The following NRCAM variants were observed in gnomAD, a reference collection of about 807,000 sequenced individuals.
NRCAM encodes the protein neuronal cell adhesion molecule.
Under a neutral mutation model 156.5 loss-of-function variants are expected in NRCAM, and 83 were observed. The observed-to-expected ratio is 0.53, with a 90% confidence interval of 0.44 to 0.64. NRCAM has a LOEUF of 0.64. Among genes scored for constraint, NRCAM ranks in the 30% least tolerant of loss-of-function variants. The probability of loss-of-function intolerance (pLI) is 0.00; values close to 1 mark genes in which losing one functional copy is unlikely to be tolerated. For synonymous variants in NRCAM, 538 were observed against 563.9 expected (o/e 0.95, Z 0.65); for missense variants, 1,417 against 1,597.3 (o/e 0.89, Z 1.92).
intron 13 of NRCAM, among the ~76,000 whole-genome samples, chr7:108,204,459 A>G (rs2079946466): frequency 6.6e-6 from 1 of 152,232 alleles, no homozygotes; most frequent in Non-Finnish European, 1.5e-5. Flanking sequence ...CTGGCTCATC[A>G]TCTTTTAGTT....
intron 10 of NRCAM, among the ~76,000 whole-genome samples, chr7:108,224,085 T>C (rs781395162): frequency 1.1e-4 from 17 of 152,172 alleles, no homozygotes; most frequent in Non-Finnish European, 2.4e-4. Flanking sequence ...TTTCCTTTTG[T>C]ATACTCCCTT....
At chr7:108,184,700 C>A in intron 20 of NRCAM, 86 bp from the exon 21 acceptor site, 1 of 1,033,514 alleles carries the variant, frequency 9.7e-7, no homozygotes, top group Non-Finnish European at 1.4e-6. Flanking sequence ...ACAGGGCAAC[C>A]CAACACAAGC....
intron 11 of NRCAM, 47 bp from the exon 12 acceptor site, chr7:108,209,652 A>G: frequency 7.3e-7 from 1 of 1,371,514 alleles, no homozygotes. Flanking sequence ...GAATCCACCT[A>G]TGACTACTTT....
At chr7:108,451,916 G>A (rs1258525698) in intron 1 of NRCAM, among the ~76,000 whole-genome samples, 1 of 152,170 alleles carries the variant, frequency 6.6e-6, no homozygotes, top group African/African-American at 2.4e-5. Flanking sequence ...TGCCACTGAA[G>A]TATACACTTA....
intron 1 of NRCAM, among the ~76,000 whole-genome samples, chr7:108,435,783 C>G (rs1831300957): frequency 6.6e-6 from 1 of 152,230 alleles, no homozygotes; most frequent in South Asian, 2.1e-4. Flanking sequence ...AGATCTATAT[C>G]TGGGCACATC....
intron 3 of NRCAM, among the ~76,000 whole-genome samples, chr7:108,241,534 T>A (rs1359185566): frequency 6.6e-6 from 1 of 152,216 alleles, no homozygotes; most frequent in Non-Finnish European, 1.5e-5. Flanking sequence ...TTTATTTGTA[T>A]GATTGTATAT....
In NRCAM at chr7:108,149,668, T is replaced by G. The variant is rs1469633332; in HGVS notation, c.*242A>C. ...ATCTGTTGGTGATGTTGCATTATTT[T>G]TTATCAGTTCTGAGGAAATCAAGAA... On this transcript the variant is annotated 3_prime_UTR_variant, in exon 33 of 33. Coordinates refer to ENST00000379028, the MANE Select transcript of NRCAM (RefSeq NM_001037132.4). 13 of 503,188 alleles carry G rather than the reference T, an allele frequency of 2.6e-5. No homozygotes were observed. Among genetic ancestry groups the G allele is most frequent in the African/African-American group, 3.9e-5 (2 of 51,634 alleles). The allele number at this position is 503,188 out of a possible 1,614,324, so 31.2% of individuals were successfully genotyped here.
chr7:108,436,460 T>C (rs1431974435), intron 1 of NRCAM, among the ~76,000 whole-genome samples: 1 of 152,214 alleles, frequency 6.6e-6, no homozygotes, highest in East Asian at 1.9e-4. Context: ...TACTAAAGTA[T>C]TTACAGATAA....
At chr7:108,325,335 A>C (rs1030011073) in intron 2 of NRCAM, among the ~76,000 whole-genome samples, 2 of 152,180 alleles carry the variant, frequency 1.3e-5, no homozygotes, top group Non-Finnish European at 2.9e-5. Context: ...GAAGTGGTAC[A>C]TGACTCTAAT....
chr7:108,378,272 T>C (rs767155), intron 2 of NRCAM, among the ~76,000 whole-genome samples: 50,319 of 151,778 alleles, frequency 0.33, 8,973 homozygotes, highest in Middle Eastern at 0.49. Context: ...ATGAAGCCAA[T>C]TTGAAAAAGA....
rs145949382 is a variant in NRCAM, at chr7:108,293,593, ATTATT to A, written c.-107+19067_-107+19071del. On this transcript the variant is annotated intron_variant, in intron 3 of 32. Coordinates refer to ENST00000379028, the MANE Select transcript of NRCAM (RefSeq NM_001037132.4). ...TGATACTGGCAGAAATCTTTTGTAG[ATTATT>A]TTAAAACCCTTATGATTGTCTCCTA... 5.7e-3 allele frequency among the ~76,000 whole-genome samples: 863 copies of A among 152,322 alleles called. 11 individuals carry two copies. Among genetic ancestry groups the A allele is most frequent in the African/African-American group, 0.019 (808 of 41,576 alleles).
At chr7:108,153,184 T>C (rs2042779649) in intron 32 of NRCAM, among the ~76,000 whole-genome samples, 1 of 152,110 alleles carries the variant, frequency 6.6e-6, no homozygotes, top group African/African-American at 2.4e-5. Context: ...TGAACATAGA[T>C]GAAAAAACCC....
At chr7:108,362,146 T>C (rs1313347181) in intron 2 of NRCAM, among the ~76,000 whole-genome samples, 6 of 152,226 alleles carry the variant, frequency 3.9e-5, no homozygotes, top group Non-Finnish European at 2.9e-5. Context: ...AATATATTTC[T>C]CACAGTTCTG....
At chr7:108,150,602 A>G (rs957325777) in intron 32 of NRCAM, 8 of 435,608 alleles carry the variant, frequency 1.8e-5, no homozygotes, top group African/African-American at 1.5e-4. Context: ...TGAAATGTGG[A>G]TTTTTTTTTT....
chr7:108,257,870 A>T, intron 3 of NRCAM, among the ~76,000 whole-genome samples: 1 of 152,030 alleles, frequency 6.6e-6, no homozygotes, highest in South Asian at 2.1e-4. Flanking sequence ...AGTTTCATCA[A>T]GCGTCTCAGA....
chr7:108,384,506 T>C (rs1188512234), intron 2 of NRCAM, among the ~76,000 whole-genome samples: 1 of 152,212 alleles, frequency 6.6e-6, no homozygotes, highest in Non-Finnish European at 1.5e-5. Flanking sequence ...TCAGTTCTGT[T>C]AAGAGTCCTC....
intron 1 of NRCAM, among the ~76,000 whole-genome samples, chr7:108,399,907 G>A (rs903669502): frequency 1.3e-5 from 2 of 152,112 alleles, no homozygotes; most frequent in African/African-American, 4.8e-5. Flanking sequence ...AGAAAAAAAA[G>A]GCACTTGATC....
At chr7:108,327,643 G>T (rs1454174834) in intron 2 of NRCAM, among the ~76,000 whole-genome samples, 2 of 152,146 alleles carry the variant, frequency 1.3e-5, no homozygotes, top group Non-Finnish European at 2.9e-5. Context: ...TAATCTTACA[G>T]ATGGTCTTTG....
In NRCAM at chr7:108,149,832, A is replaced by G; in HGVS notation, c.*78T>C. On this transcript the variant is annotated 3_prime_UTR_variant, in exon 33 of 33. Transcript: ENST00000379028. ...AAATATACTCTCTACCCATATGTTC[A>G]TAGTATGAGAGGGCTGACAAACAAG... 8.8e-7 allele frequency: 1 copy of G among 1,133,828 alleles called. No homozygotes were observed. The highest frequency in any genetic ancestry group is 1.3e-6 in the Non-Finnish European group (1 of 778,192). The allele number at this position is 1,133,828 out of a possible 1,614,324, so 70.2% of individuals were successfully genotyped here. A position where few individuals can be genotyped will look rare whatever the true frequency, so the allele number is the denominator to read the frequency against.
Sources: allele counts gnomAD v4.1 joint callset (sites outside exome capture counted in the v4.1 genomes callset), GRCh38; gene constraint gnomAD v4.1.1; transcripts MANE v1.5; gene names NCBI Gene and HGNC (gene_info 2026-07-23, HGNC 2026-07-21).